The following ADGRB3 variants were observed in gnomAD, a reference collection of about 807,000 sequenced individuals.
ADGRB3 encodes the protein brain-specific angiogenesis inhibitor 3.
A neutral mutation model predicts 193.4 loss-of-function variants in ADGRB3; 37 were observed. The ratio of observed to expected loss-of-function variants is 0.19; its 90% CI spans 0.15 to 0.25. The LOEUF is 0.25. Among genes scored for constraint, ADGRB3 ranks in the 10% least tolerant of loss-of-function variants. The pLI is 1.00. For missense variants in ADGRB3, 1,637 were observed against 1,852.9 expected (o/e 0.88, Z 2.14); for synonymous variants, 690 against 644.2 (o/e 1.07, Z -1.08).
At chr6:68,807,235 C>CTTTTTTTTTTTTTTTTTTTTTTT (rs771342538) in intron 3 of ADGRB3, among the ~76,000 whole-genome samples, 11 of 100,198 alleles carry the variant, frequency 1.1e-4, no homozygotes, top group African/African-American at 2.2e-4. Flanking sequence ...TTTCTTTTTT[C>CTTTTTTTTTTTTTTTTTTTTTTT]TTTTTTTTTT....
In ADGRB3 at chr6:69,360,945, T is replaced by G. The variant is rs1233232158; in HGVS notation, c.3672T>G (p.Asp1224Glu). The part of the protein sequence containing the change: ...GTLSRISLND[D>E]EEEKGTNPEG... ...TTTCTAGGATTTCTCTAAATGATGATGAAGAAGAAAAGGGAACAAACCCTG... is the reference window on the plus strand; with the variant it reads ...TTTCTAGGATTTCTCTAAATGATGAGGAAGAAGAAAAGGGAACAAACCCTG... Residue 1224 changes from aspartate (D) to glutamate (E), a missense_variant, in exon 29 of 32, where the codon GAT (aspartate) becomes GAG (glutamate). Physicochemically the swap from Asp to Glu is conservative, Grantham distance 45 (BLOSUM62 2). Coordinates refer to ENST00000370598, the MANE Select transcript of ADGRB3 (RefSeq NM_001704.3). The G allele has an allele frequency of 1.5e-5, 24 of 1,612,412 alleles. No homozygotes were observed. Among genetic ancestry groups the G allele is most frequent in the Non-Finnish European group, 2.0e-5 (24 of 1,179,052 alleles).
At chr6:68,875,837 A>G (rs1370961464) in intron 3 of ADGRB3, among the ~76,000 whole-genome samples, 1 of 152,114 alleles carries the variant, frequency 6.6e-6, no homozygotes, top group Non-Finnish European at 1.5e-5. Context: ...TTAATTTTTT[A>G]AAAAACTTAC....
intron 3 of ADGRB3, among the ~76,000 whole-genome samples, chr6:68,709,370 A>G (rs979437067): frequency 9.2e-5 from 14 of 152,200 alleles, no homozygotes; most frequent in African/African-American, 2.9e-4. Flanking sequence ...TTAAATTAAT[A>G]TAACTTTGCA....
chr6:68,907,568 ATAATTT>A (rs1449022017), intron 3 of ADGRB3, among the ~76,000 whole-genome samples: 2 of 151,926 alleles, frequency 1.3e-5, no homozygotes, highest in African/African-American at 4.8e-5. Context: ...CTATTGTAAA[ATAATTT>A]TAATTAAGTA....
At chr6:68,926,241 CT>C (rs1767177227) in intron 3 of ADGRB3, among the ~76,000 whole-genome samples, 1 of 151,948 alleles carries the variant, frequency 6.6e-6, no homozygotes, top group South Asian at 2.1e-4. Context: ...CTTCCTTTTC[CT>C]TAGAAGTTTT....
At chr6:68,674,373 G>A (rs1272972234) in intron 3 of ADGRB3, among the ~76,000 whole-genome samples, 1 of 151,992 alleles carries the variant, frequency 6.6e-6, no homozygotes. Context: ...CACAAATAGT[G>A]ATAAAAATAT....
At chr6:68,711,658 G>A (rs777381076) in intron 3 of ADGRB3, among the ~76,000 whole-genome samples, 3 of 152,026 alleles carry the variant, frequency 2.0e-5, no homozygotes, top group Admixed American at 6.6e-5. Context: ...CAGCAAAACT[G>A]AGGTTGACTT....
intron 3 of ADGRB3, among the ~76,000 whole-genome samples, chr6:68,899,538 G>T (rs1242815896): frequency 6.7e-6 from 1 of 148,260 alleles, no homozygotes; most frequent in African/African-American, 2.5e-5. Flanking sequence ...GAGAATATGT[G>T]GTGTTTGGTT....
At chr6:69,268,832 G>A (rs1333278426) in intron 20 of ADGRB3, among the ~76,000 whole-genome samples, 1 of 152,040 alleles carries the variant, frequency 6.6e-6, no homozygotes, top group Non-Finnish European at 1.5e-5. Context: ...CTAGGGGCAG[G>A]ACTGGTTAAT....
intron 13 of ADGRB3, among the ~76,000 whole-genome samples, chr6:69,024,622 T>A (rs1239585187): frequency 6.6e-6 from 1 of 152,240 alleles, no homozygotes; most frequent in Non-Finnish European, 1.5e-5. Context: ...TAATTATTAG[T>A]TGTTAGGAAT....
chr6:69,093,152 G>A (rs3799030), intron 17 of ADGRB3, among the ~76,000 whole-genome samples: 11,249 of 151,606 alleles, frequency 0.074, 529 homozygotes, highest in African/African-American at 0.13. Context: ...GGAAGCCTAC[G>A]TTCAGGGGTA....
chr6:68,671,301 A>C (rs768525530), intron 3 of ADGRB3, among the ~76,000 whole-genome samples: 1 of 151,982 alleles, frequency 6.6e-6, no homozygotes, highest in Non-Finnish European at 1.5e-5. Flanking sequence ...GTTGAATAAC[A>C]GTGGTGACAG....
At chr6:68,865,462 A>C (rs977962550) in intron 3 of ADGRB3, among the ~76,000 whole-genome samples, 1 of 151,984 alleles carries the variant, frequency 6.6e-6, no homozygotes, top group African/African-American at 2.4e-5. Context: ...TGATTCTCTC[A>C]TGGGGTACAT....
At chr6:69,274,496 CCTTTCTTCTTTCCCTT>C (rs1767253308) in intron 20 of ADGRB3, among the ~76,000 whole-genome samples, 1 of 141,896 alleles carries the variant, frequency 7.0e-6, no homozygotes, top group Admixed American at 7.0e-5. Flanking sequence ...TCCCTCCCTC[CCTTTCTTCTTTCCCTT>C]CTTCCTTCCT....
intron 11 of ADGRB3, among the ~76,000 whole-genome samples, chr6:69,011,614 G>C (rs905466383): frequency 1.3e-5 from 2 of 151,890 alleles, no homozygotes; most frequent in Non-Finnish European, 2.9e-5. Flanking sequence ...ACCTGCACAT[G>C]TATCCCCTGA....
intron 3 of ADGRB3, among the ~76,000 whole-genome samples, chr6:68,731,882 T>C (rs957909659): frequency 6.6e-6 from 1 of 151,678 alleles, no homozygotes; most frequent in Non-Finnish European, 1.5e-5. Context: ...TTAAGAAATC[T>C]AAACATTTAA....
chr6:68,693,767 T>C (rs1344447878), intron 3 of ADGRB3, among the ~76,000 whole-genome samples: 1 of 151,940 alleles, frequency 6.6e-6, no homozygotes, highest in East Asian at 1.9e-4. Flanking sequence ...CATACCGCAG[T>C]GTATCATGAA....
intron 17 of ADGRB3, among the ~76,000 whole-genome samples, chr6:69,164,017 T>G (rs1775065562): frequency 6.6e-6 from 1 of 152,104 alleles, no homozygotes; most frequent in Non-Finnish European, 1.5e-5. Context: ...TAATTAGCAT[T>G]TGCAAAATCT....
intron 3 of ADGRB3, among the ~76,000 whole-genome samples, chr6:68,914,472 A>C (rs557443787): frequency 5.2e-4 from 79 of 152,208 alleles, no homozygotes; most frequent in Admixed American, 2.4e-3. Context: ...GAAATAAAAT[A>C]CTTTACAGAC....
Sources: allele counts gnomAD v4.1 joint callset (sites outside exome capture counted in the v4.1 genomes callset), GRCh38; gene constraint gnomAD v4.1.1; transcripts MANE v1.5; gene names NCBI Gene and HGNC (gene_info 2026-07-23, HGNC 2026-07-21).